Variants in STX8 observed in about 807,000 individuals in gnomAD.
STX8 encodes syntaxin 8, also known as syntaxin-8.
Under a neutral mutation model 37.5 loss-of-function variants are expected in STX8, and 23 were observed. The observed-to-expected ratio is 0.61, with a 90% CI of 0.44 to 0.87. The LOEUF is 0.87. Ranked by LOEUF, STX8 falls within the 40% of genes least tolerant of loss-of-function variation. STX8 has a pLI of 0.00. For missense variants in STX8, 313 were observed against 284.7 expected, an observed-to-expected ratio of 1.10 and a Z score of -0.71; for synonymous variants, 115 against 99.1, an observed-to-expected ratio of 1.16 and a Z score of -0.95.
At chr17:9,423,440 C>T (rs1026873555) in intron 6 of STX8, among the ~76,000 whole-genome samples, 2 of 152,214 alleles carry the variant, frequency 1.3e-5, no homozygotes, top group African/African-American at 4.8e-5. Flanking sequence ...ATCCTCCTGC[C>T]TCAGCCTCCT....
chr17:9,307,964 G>A (rs1379018406), intron 7 of STX8, among the ~76,000 whole-genome samples: 1 of 152,206 alleles, frequency 6.6e-6, no homozygotes, highest in Non-Finnish European at 1.5e-5. Context: ...ATACCTGGGA[G>A]AAAGGAAAGC....
At chr17:9,468,682 C>G (rs981711719) in intron 6 of STX8, among the ~76,000 whole-genome samples, 3 of 150,776 alleles carry the variant, frequency 2.0e-5, no homozygotes. Flanking sequence ...TCTTCAACTG[C>G]CAGCCTCTCA....
At position 9,378,600 on chromosome 17, in the gene STX8, T is replaced by C. The variant is rs1264611703; in HGVS notation, c.595A>G (p.Asn199Asp). 6.2e-7 allele frequency: 1 copy of C among 1,613,908 alleles called. No individual in the cohort carries two copies. Among genetic ancestry groups the C allele is most frequent in the Non-Finnish European group, 8.5e-7 (1 of 1,179,838 alleles). ...LVENTDEKLR[N>D]ETRRVNMVDR... Reference sequence around the variant, plus strand: ...ACCATGTTTACCCGCCTGGTTTCATTGCGAAGTTTTTCATCTGTGTTCTCC... The same window carrying C: ...ACCATGTTTACCCGCCTGGTTTCATCGCGAAGTTTTTCATCTGTGTTCTCC... Residue 199 changes from asparagine (N) to aspartate (D), a missense_variant, in exon 7 of 8, where the codon AAT becomes GAT. Asn to Asp is a conservative substitution (Grantham distance 23, BLOSUM62 1). Coordinates refer to ENST00000306357, the MANE Select transcript of STX8 (RefSeq NM_004853.3).
At chr17:9,564,262 G>C (rs189015822) in intron 2 of STX8, among the ~76,000 whole-genome samples, 1 of 151,050 alleles carries the variant, frequency 6.6e-6, no homozygotes, top group East Asian at 1.9e-4. Context: ...AGGAGAAAAA[G>C]AGGAGAGGAG....
At chr17:9,573,261 G>C (rs1027466057) in intron 1 of STX8, among the ~76,000 whole-genome samples, 15 of 152,030 alleles carry the variant, frequency 9.9e-5, no homozygotes, top group African/African-American at 3.6e-4. Context: ...CGTCAATACA[G>C]ACCTTAAGTC....
intron 7 of STX8, among the ~76,000 whole-genome samples, chr17:9,286,301 C>T (rs1371833499): frequency 1.3e-5 from 2 of 152,216 alleles, no homozygotes; most frequent in Non-Finnish European, 2.9e-5. Flanking sequence ...GGCCCACACA[C>T]ATACGCCGAT....
rs57991262 is a variant in STX8 at position 9,355,332 on chromosome 17, CT to C, written c.643+23219del. On this transcript the variant is annotated intron_variant, in intron 7 of 7. Transcript: ENST00000306357. ...TGTCTTTTGGTTCTACTTTGTGGAA[CT>C]TTTTTTTTTTTTTTTTTTTGAGACA... 2.9e-3 allele frequency among the ~76,000 whole-genome samples: 342 copies of C among 116,242 alleles called. 1 individual carries two copies. In the East Asian group the frequency reaches 0.033, roughly 11 times the overall value. 76.3% of individuals were successfully genotyped at this position (116,242 alleles called of 152,430 possible).
Position 9,491,933 on chromosome 17 carries a change from A to C in STX8, c.449-12T>G. The C allele has an allele frequency of 1.3e-6, 2 of 1,585,136 alleles. No individual in the cohort carries two copies. Among genetic ancestry groups the C allele is most frequent in the Non-Finnish European group, 1.7e-6 (2 of 1,163,214 alleles). On this transcript the variant is annotated splice_polypyrimidine_tract_variant and intron_variant, in intron 5 of 7. Coordinates refer to ENST00000306357, the MANE Select transcript of STX8 (RefSeq NM_004853.3). Reference sequence around the variant, plus strand: ...GCCTGCGTCCTGTTCTGAAAGAAAAAAGAAAAATAATTAACTAGAAACTAG... The same window carrying C: ...GCCTGCGTCCTGTTCTGAAAGAAAACAGAAAAATAATTAACTAGAAACTAG...
chr17:9,426,639 T>C (rs1322895864), intron 6 of STX8, among the ~76,000 whole-genome samples: 2 of 148,758 alleles, frequency 1.3e-5, no homozygotes, highest in Non-Finnish European at 3.0e-5. Flanking sequence ...CACATGCCTG[T>C]GGTCTTAGCT....
chr17:9,268,819 G>A (rs1907328396), intron 7 of STX8, among the ~76,000 whole-genome samples: 1 of 152,148 alleles, frequency 6.6e-6, no homozygotes, highest in African/African-American at 2.4e-5. Context: ...AAGATCCCAA[G>A]CCATCAATTC....
intron 6 of STX8, among the ~76,000 whole-genome samples, chr17:9,414,320 C>A (rs1172970232): frequency 6.9e-6 from 1 of 145,588 alleles, no homozygotes; most frequent in Non-Finnish European, 1.5e-5. Flanking sequence ...TGGTGCAGAA[C>A]TTTTTTTTTT....
rs559772998 is a variant in STX8, at chr17:9,376,071, A to G, written c.643+2481T>C. ...TTCTCCGCTTTCTTATAATTAGGAA[A>G]CTGAGGCCCAGATTAAGAGAGAGGT... On this transcript the variant is annotated intron_variant, in intron 7 of 7. Transcript: ENST00000306357. 5.3e-5 allele frequency among the ~76,000 whole-genome samples: 8 copies of G among 152,266 alleles called. No homozygotes were observed. In the South Asian group the frequency reaches 8.3e-4, roughly 16 times the overall value.
At chr17:9,390,062 G>C (rs1406119700) in intron 6 of STX8, among the ~76,000 whole-genome samples, 1 of 152,212 alleles carries the variant, frequency 6.6e-6, no homozygotes, top group African/African-American at 2.4e-5. Flanking sequence ...GAACCACCCA[G>C]GCTTTGGGGA....
chr17:9,474,482 C>T (rs1906017129), intron 6 of STX8, among the ~76,000 whole-genome samples: 1 of 152,068 alleles, frequency 6.6e-6, no homozygotes, highest in Non-Finnish European at 1.5e-5. Flanking sequence ...AAGTGATTCT[C>T]CTGCCTCAGC....
At chr17:9,485,569 GTTTTTGTT>G (rs1241219968) in intron 6 of STX8, among the ~76,000 whole-genome samples, 10 of 146,420 alleles carry the variant, frequency 6.8e-5, no homozygotes, top group African/African-American at 2.0e-4. Flanking sequence ...GGAGTTCTTT[GTTTTTGTT>G]TTTTTGTTTT....
chr17:9,362,856 T>TAAATAAAG (rs1911111613), intron 7 of STX8, among the ~76,000 whole-genome samples: 1 of 142,810 alleles, frequency 7.0e-6, no homozygotes, highest in African/African-American at 2.8e-5. Context: ...AATAAATAAA[T>TAAATAAAG]AAATAAATAA....
chr17:9,336,171 C>A (rs181090938), intron 7 of STX8, among the ~76,000 whole-genome samples: 1 of 152,104 alleles, frequency 6.6e-6, no homozygotes, highest in Non-Finnish European at 1.5e-5. Context: ...TGAACTTTAT[C>A]GGTATGAGGA....
chr17:9,559,330 C>A (rs1267581554), intron 2 of STX8, among the ~76,000 whole-genome samples: 1 of 151,956 alleles, frequency 6.6e-6, no homozygotes, highest in African/African-American at 2.4e-5. Flanking sequence ...AAAATCTTTT[C>A]AAAAAATATT....
At chr17:9,406,560 G>GTC (rs1370658416) in intron 6 of STX8, among the ~76,000 whole-genome samples, 1 of 152,070 alleles carries the variant, frequency 6.6e-6, no homozygotes, top group Admixed American at 6.6e-5. Context: ...TTACATTTCT[G>GTC]TCCACTGTGA....
Sources: allele counts gnomAD v4.1 joint callset (sites outside exome capture counted in the v4.1 genomes callset), GRCh38; gene constraint gnomAD v4.1.1; transcripts MANE v1.5; gene names NCBI Gene and HGNC (gene_info 2026-07-23, HGNC 2026-07-21).